PRKD1: variants seen among roughly 807,000 people sequenced by gnomAD.
The protein encoded by PRKD1 is serine/threonine-protein kinase D1.
In PRKD1, 63 loss-of-function variants were observed where a neutral mutation model predicts 95.9. The ratio of observed to expected loss-of-function variants is 0.66; its 90% confidence interval spans 0.54 to 0.81. PRKD1 has a LOEUF of 0.81. PRKD1 is among the 30% of genes least tolerant of loss of function. The pLI is 0.00. For missense variants in PRKD1, 1,048 were observed against 1,165.3 expected, an observed-to-expected ratio of 0.90 and a Z score of 1.47; for synonymous variants, 425 against 423.1, an observed-to-expected ratio of 1.00 and a Z score of -0.05.
chr14:29,903,504 C>T (rs1894392413), intron 1 of PRKD1, among the ~76,000 whole-genome samples: 2 of 152,088 alleles, frequency 1.3e-5, no homozygotes, highest in South Asian at 4.2e-4. Flanking sequence ...AAATAGAGAA[C>T]CACATGCCAT....
At chr14:29,777,966 A>C (rs1374192125) in intron 1 of PRKD1, among the ~76,000 whole-genome samples, 3 of 152,190 alleles carry the variant, frequency 2.0e-5, no homozygotes, top group Non-Finnish European at 4.4e-5. Flanking sequence ...AGTGCAATCA[A>C]ACTAGAACTC....
intron 4 of PRKD1, among the ~76,000 whole-genome samples, chr14:29,649,998 C>T (rs760697588): frequency 3.3e-5 from 5 of 152,206 alleles, no homozygotes; most frequent in African/African-American, 9.6e-5. Flanking sequence ...TTATCACACA[C>T]ACTCATACAC....
chr14:29,835,753 T>G (rs892495063), intron 1 of PRKD1, among the ~76,000 whole-genome samples: 3 of 151,660 alleles, frequency 2.0e-5, no homozygotes, highest in African/African-American at 7.3e-5. Flanking sequence ...GTATTTTTAG[T>G]AGAGACAGGG....
chr14:29,609,932 T>C (rs922061363), intron 13 of PRKD1, among the ~76,000 whole-genome samples: 3 of 152,184 alleles, frequency 2.0e-5, no homozygotes, highest in Middle Eastern at 3.4e-3. Flanking sequence ...CTAGAAATGA[T>C]TCAATCTAGA....
At chr14:29,891,583 A>T (rs1893937734) in intron 1 of PRKD1, among the ~76,000 whole-genome samples, 1 of 151,652 alleles carries the variant, frequency 6.6e-6, no homozygotes, top group African/African-American at 2.4e-5. Flanking sequence ...ACTGAATAGG[A>T]CCATGCTCTC....
At chr14:29,808,787 A>C (rs1020419895) in intron 1 of PRKD1, among the ~76,000 whole-genome samples, 3 of 152,156 alleles carry the variant, frequency 2.0e-5, no homozygotes, top group Non-Finnish European at 4.4e-5. Flanking sequence ...GTCATCCATA[A>C]GTGTTGGAAT....
chr14:29,663,454 T>TC (rs1378297116), intron 4 of PRKD1, among the ~76,000 whole-genome samples: 2 of 152,180 alleles, frequency 1.3e-5, no homozygotes, highest in African/African-American at 4.8e-5. Context: ...GCTCTGGCCC[T>TC]GTGACCACGA....
intron 2 of PRKD1, among the ~76,000 whole-genome samples, chr14:29,717,384 ATACTGT>A (rs1218889880): frequency 5.3e-5 from 8 of 152,234 alleles, no homozygotes; most frequent in African/African-American, 1.7e-4. Flanking sequence ...TATATTGGAG[ATACTGT>A]TAATGTTATT....
intron 16 of PRKD1, chr14:29,594,002 G>T: frequency 2.9e-6 from 1 of 342,556 alleles, no homozygotes; most frequent in South Asian, 2.3e-5. Context: ...AATTATAAAT[G>T]ATTTCCAGTC....
chr14:29,759,040 G>T (rs560881125), intron 1 of PRKD1, among the ~76,000 whole-genome samples: 1 of 152,322 alleles, frequency 6.6e-6, no homozygotes, highest in South Asian at 2.1e-4. Context: ...TAGAAACAGT[G>T]TCCGTTACTC....
chr14:29,637,989 T>C (rs752730267), intron 6 of PRKD1, among the ~76,000 whole-genome samples: 5 of 152,222 alleles, frequency 3.3e-5, no homozygotes, highest in Non-Finnish European at 7.3e-5. Flanking sequence ...TTGCTTAAGA[T>C]ATGGCATTTT....
rs143334683 is a variant in PRKD1, at chr14:29,883,064, C to T, written c.264+44185G>A. Among the ~76,000 whole-genome samples, 197 of 152,262 alleles carry T rather than the reference C, an allele frequency of 1.3e-3. No homozygotes were observed. The East Asian group carries it at 0.03, about 23-fold the overall frequency. On this transcript the variant is annotated intron_variant, in intron 1 of 17. Transcript: ENST00000331968. ...GGCATCTGCCTGGCTTCTGGGGAGG[C>T]CTCAGGGACCTTTTACTCATGGTGG...
intron 16 of PRKD1, among the ~76,000 whole-genome samples, 183 bp from the exon 17 acceptor site, chr14:29,578,543 TAAAAAAAA>T (rs992449669): frequency 9.4e-5 from 4 of 42,684 alleles, no homozygotes; most frequent in South Asian, 9.9e-4. Context: ...TTTTGGATAC[TAAAAAAAA>T]AAAAAAAAAA....
At chr14:29,767,247 G>C (rs1888297673) in intron 1 of PRKD1, among the ~76,000 whole-genome samples, 1 of 152,084 alleles carries the variant, frequency 6.6e-6, no homozygotes, top group Admixed American at 6.6e-5. Context: ...ACAATTCTGA[G>C]AGTCTCCCAA....
intron 13 of PRKD1, among the ~76,000 whole-genome samples, chr14:29,612,639 T>C (rs1594361599): frequency 6.6e-6 from 1 of 152,212 alleles, no homozygotes; most frequent in East Asian, 1.9e-4. Context: ...AGAATATCTA[T>C]TTGGAAAATT....
At chr14:29,841,709 G>T (rs1891853429) in intron 1 of PRKD1, among the ~76,000 whole-genome samples, 2 of 152,118 alleles carry the variant, frequency 1.3e-5, no homozygotes, top group South Asian at 4.2e-4. Flanking sequence ...CATGAAAAGA[G>T]ACTAATACAA....
intron 8 of PRKD1, among the ~76,000 whole-genome samples, chr14:29,633,218 A>C (rs535226781): frequency 6.6e-6 from 1 of 152,234 alleles, no homozygotes. Context: ...TAGAAAGTGC[A>C]TAGTAAACAG....
Position 29,750,616 on chromosome 14 carries a change from GCA to G in PRKD1, c.265-24944_265-24943del, listed in dbSNP as rs1555341358. ...CCTATCCCAGGATGCATGAACGCGC[GCA>G]CACACACACACACACACACTCACAC... is the stretch of plus-strand genomic sequence containing the variant. On this transcript the variant is annotated intron_variant, in intron 1 of 17. Coordinates refer to ENST00000331968, the MANE Select transcript of PRKD1 (RefSeq NM_002742.3). Among the ~76,000 whole-genome samples the G allele has an allele frequency of 8.5e-3, 1,259 of 148,314 alleles. 12 individuals are homozygous for G. Among genetic ancestry groups the G allele is most frequent in the South Asian group, 0.029 (135 of 4,628 alleles).
chr14:29,648,858 G>T (rs1311976668), intron 4 of PRKD1, among the ~76,000 whole-genome samples: 1 of 152,158 alleles, frequency 6.6e-6, no homozygotes, highest in East Asian at 1.9e-4. Flanking sequence ...GTTTCACCGT[G>T]TTAGCCAGGA....
Sources: gnomAD v4.1 joint callset for allele counts (sites outside exome capture counted in the v4.1 genomes callset) on GRCh38, gnomAD v4.1.1 for gene constraint, MANE v1.5 for transcripts, NCBI Gene and HGNC (gene_info 2026-07-23, HGNC 2026-07-21) for gene names.